The following ACSF2 variants were observed in gnomAD, a reference collection of about 807,000 sequenced individuals.
ACSF2 encodes the protein medium-chain acyl-CoA ligase ACSF2, mitochondrial.
A neutral mutation model predicts 79.3 loss-of-function variants in ACSF2; 52 were observed. The observed-to-expected ratio is 0.66, with a 90% confidence interval of 0.53 to 0.83. The LOEUF (loss-of-function observed/expected upper bound fraction) is 0.83, where lower values mean the gene tolerates loss of function less well. Ranked by LOEUF, ACSF2 falls within the 40% of genes least tolerant of loss-of-function variation. The pLI is 0.00. For synonymous variants in ACSF2, 283 were observed against 312.6 expected, an observed-to-expected ratio of 0.91 and a Z score of 1.00; for missense variants, 661 against 803.3, an observed-to-expected ratio of 0.82 and a Z score of 2.14.
chr17:50,465,883 G>A (rs1373436043), intron 10 of ACSF2: 1 of 1,613,166 alleles, frequency 6.2e-7, no homozygotes, highest in Non-Finnish European at 8.5e-7. Context: ...GGGGAGCAAG[G>A]TGGGAGCAAG....
At chr17:50,465,576 C>T (rs568588176) in intron 10 of ACSF2, 135 of 1,468,604 alleles carry the variant, frequency 9.2e-5, no homozygotes, top group Middle Eastern at 2.4e-4. Flanking sequence ...AATGGGGAAA[C>T]TGAGGCTCCC....
At chr17:50,461,752 T>A in intron 4 of ACSF2, 66 bp downstream of exon 4, 8 of 1,569,198 alleles carry the variant, frequency 5.1e-6, no homozygotes, top group Non-Finnish European at 6.1e-6. Context: ...CAGACTCTGC[T>A]TGTCAGAGTC....
intron 11 of ACSF2, chr17:50,472,071 C>CCAAACAGCAA (rs1305278597): frequency 1.8e-5 from 4 of 225,950 alleles, no homozygotes; most frequent in African/African-American, 9.4e-5. Flanking sequence ...TTATTTGCTG[C>CCAAACAGCAA]TTAATGGGAA....
chr17:50,460,201 G>T (rs2032245946), intron 1 of ACSF2: 1 of 456,556 alleles, frequency 2.2e-6, no homozygotes, highest in Non-Finnish European at 4.4e-6. Flanking sequence ...TTGGCTTTCA[G>T]GCCCTCAGGA....
intron 1 of ACSF2, among the ~76,000 whole-genome samples, chr17:50,442,914 C>CT (rs941820816): frequency 6.6e-4 from 95 of 144,060 alleles, no homozygotes; most frequent in Admixed American, 8.3e-4. Context: ...GGTTTTATTT[C>CT]TTTTTTTTTT....
intron 1 of ACSF2, chr17:50,460,212 G>T (rs1261873479): frequency 1.1e-5 from 5 of 456,744 alleles, no homozygotes; most frequent in South Asian, 4.6e-5. Flanking sequence ...GCCCTCAGGA[G>T]AAAAACTGGC....
intron 11 of ACSF2, 98 bp from the exon 12 acceptor site, chr17:50,472,330 G>T: frequency 7.0e-7 from 1 of 1,424,880 alleles, no homozygotes; most frequent in South Asian, 1.3e-5. Context: ...CAGTTGGGTT[G>T]GGGGGTTGGG....
chr17:50,452,487 C>T (rs897972697), intron 1 of ACSF2, among the ~76,000 whole-genome samples: 15 of 130,060 alleles, frequency 1.2e-4, no homozygotes, highest in Non-Finnish European at 1.8e-4. Context: ...CAAAACAAAA[C>T]GAAAAAATAG....
intron 1 of ACSF2, among the ~76,000 whole-genome samples, chr17:50,433,262 C>T (rs1200775325): frequency 6.6e-6 from 1 of 151,916 alleles, no homozygotes; most frequent in African/African-American, 2.4e-5. Context: ...CCTGCCACCA[C>T]GCCCAGCTAA....
chr17:50,426,827 G>A, intron 1 of ACSF2: 11 of 1,425,780 alleles, frequency 7.7e-6, no homozygotes, highest in Non-Finnish European at 1.0e-5. Flanking sequence ...GCAGTCTCCT[G>A]TCTCCTCATC....
intron 1 of ACSF2, among the ~76,000 whole-genome samples, chr17:50,456,877 T>C (rs1459706746): frequency 1.3e-5 from 2 of 151,986 alleles, no homozygotes; most frequent in South Asian, 2.1e-4. Flanking sequence ...TCTGGCAACA[T>C]AGTAAGACTC....
intron 1 of ACSF2, 114 bp downstream of exon 1, chr17:50,426,503 T>G: frequency 1.7e-6 from 2 of 1,144,868 alleles, no homozygotes; most frequent in South Asian, 3.1e-5. Flanking sequence ...GGGGGGAAGG[T>G]ACCCGCCCCT....
At chr17:50,454,095 G>A (rs1452770877) in intron 1 of ACSF2, among the ~76,000 whole-genome samples, 1 of 151,904 alleles carries the variant, frequency 6.6e-6, no homozygotes, top group Non-Finnish European at 1.5e-5. Flanking sequence ...AGCCCGGGAG[G>A]TCCAGGCTGC....
chr17:50,449,885 G>T (rs942496309), intron 1 of ACSF2, among the ~76,000 whole-genome samples: 3 of 152,100 alleles, frequency 2.0e-5, no homozygotes, highest in African/African-American at 4.8e-5. Flanking sequence ...TTTCCCAACT[G>T]AAATTCTGTA....
At chr17:50,440,233 T>G (rs906993345) in intron 1 of ACSF2, among the ~76,000 whole-genome samples, 9 of 151,380 alleles carry the variant, frequency 5.9e-5, no homozygotes, top group Non-Finnish European at 1.3e-4. Context: ...TATGGCACCC[T>G]CCCCAGGAAG....
At chr17:50,429,676 G>A (rs953625714) in intron 1 of ACSF2, among the ~76,000 whole-genome samples, 10 of 151,782 alleles carry the variant, frequency 6.6e-5, no homozygotes, top group African/African-American at 1.9e-4. Context: ...TGCGCCACCC[G>A]CCCAGCTAAT....
At chr17:50,431,136 T>A (rs950933933) in intron 1 of ACSF2, among the ~76,000 whole-genome samples, 2 of 152,194 alleles carry the variant, frequency 1.3e-5, no homozygotes, top group Non-Finnish European at 2.9e-5. Flanking sequence ...CCACTGGGGA[T>A]CCTCCAGTCT....
rs776012354 is a variant in ACSF2, at chr17:50,462,147, C to G, written c.508-37C>G. 26 of 1,592,588 alleles carry G rather than the reference C, an allele frequency of 1.6e-5. No homozygotes were observed. In the Middle Eastern group the frequency reaches 1.5e-3, roughly 91 times the overall value. ...TCCCCCAGAGCTCTAGTCTGGGGCT[C>G]CCCGCTGACTGGAGGTGGGGGACTC... On this transcript the variant is annotated intron_variant, in intron 4 of 15. Transcript: ENST00000300441.
rs931013437 is a variant in ACSF2 at position 50,474,477 on chromosome 17, C to A, written c.1798-25C>A. On this transcript the variant is annotated intron_variant, in intron 15 of 15. Transcript: ENST00000300441. The surrounding 1 kb of genome is among the most constrained non-coding windows in gnomAD (Gnocchi z 4.2). ...TGGGTGAACCAAGACAGCTGGTAAC[C>A]CTAACTCCATTTTCTTTCCTCTAGA... 24 of 1,613,078 alleles carry A rather than the reference C, an allele frequency of 1.5e-5. No homozygotes were observed. The African/African-American group carries it at 1.6e-4, about 11-fold the overall frequency.
Sources: gnomAD v4.1 joint callset for allele counts (sites outside exome capture counted in the v4.1 genomes callset) on GRCh38, gnomAD v4.1.1 for gene constraint, Gnocchi (gnomAD v3.1) non-coding constraint, MANE v1.5 for transcripts, NCBI Gene and HGNC (gene_info 2026-07-23, HGNC 2026-07-21) for gene names.